SLC9A8: variants seen among roughly 807,000 people sequenced by gnomAD.
SLC9A8 encodes sodium/hydrogen exchanger 8.
In SLC9A8, 48 loss-of-function variants were observed where a neutral mutation model predicts 66.6. The ratio of observed to expected loss-of-function variants is 0.72; its 90% CI spans 0.57 to 0.92. SLC9A8 has a LOEUF of 0.92. Among genes scored for constraint, SLC9A8 ranks in the 40% least tolerant of loss-of-function variants. The probability of loss-of-function intolerance (pLI) is 0.00; values close to 1 mark genes in which losing one functional copy is unlikely to be tolerated. For missense variants in SLC9A8, 599 were observed against 747.3 expected (o/e 0.80, Z 2.31); for synonymous variants, 274 against 282.6 (o/e 0.97, Z 0.31).
chr20:49,820,063 G>C (rs1219656899), intron 2 of SLC9A8, among the ~76,000 whole-genome samples: 1 of 151,854 alleles, frequency 6.6e-6, no homozygotes, highest in Non-Finnish European at 1.5e-5. Flanking sequence ...CCTGCAAGTG[G>C]AATTGCCGAG....
chr20:49,841,438 CAA>C (rs1568825224), intron 4 of SLC9A8, among the ~76,000 whole-genome samples: 1 of 151,786 alleles, frequency 6.6e-6, no homozygotes. Flanking sequence ...GTCAGAAAAA[CAA>C]GAGGAGCTGG....
chr20:49,855,058 T>A (rs2088413864), intron 7 of SLC9A8, among the ~76,000 whole-genome samples: 1 of 152,134 alleles, frequency 6.6e-6, no homozygotes, highest in African/African-American at 2.4e-5. Flanking sequence ...TCCAAGGGGC[T>A]GGTGGCGAGG....
rs2089913487 is a variant in SLC9A8 at position 49,886,932 on chromosome 20, T to A, written c.1638+34T>A. ...CCGGCCAGGCCACACTTTCTGGGGG[T>A]CCCTTGCCTGCCTCCTTCAGGACCT... On this transcript the variant is annotated intron_variant, in intron 15 of 15. Transcript: ENST00000361573. This position sits in a 1 kb window ranked among gnomAD's most constrained non-coding sequence, Gnocchi z 4.8. 1 of 1,592,146 alleles carries A rather than the reference T, an allele frequency of 6.3e-7. No homozygotes were observed. The highest frequency in any genetic ancestry group is 1.3e-5 in the African/African-American group (1 of 74,440).
intron 10 of SLC9A8, among the ~76,000 whole-genome samples, 154 bp from the exon 11 acceptor site, chr20:49,874,551 T>A (rs2089346768): frequency 6.6e-6 from 1 of 151,814 alleles, no homozygotes; most frequent in African/African-American, 2.4e-5. Context: ...CCCATAGTAT[T>A]TTTTCTGAAG....
chr20:49,840,355 T>A (rs1346840111), intron 4 of SLC9A8, among the ~76,000 whole-genome samples: 2 of 152,174 alleles, frequency 1.3e-5, no homozygotes, highest in African/African-American at 4.8e-5. Context: ...TTAACAAGTA[T>A]GCTACAAAAT....
chr20:49,816,631 A>T lies in SLC9A8; in HGVS notation c.208+1442A>T, dbSNP rs1249236060. 2.6e-5 allele frequency among the ~76,000 whole-genome samples: 4 copies of T among 151,982 alleles called. No homozygotes were observed. In the East Asian group the frequency reaches 7.7e-4, roughly 29 times the overall value. ...TCCCAGTGTGCCTCCATCTCAAAAAACAAACAAACAAACAGACAAAAAAGA... is the reference window on the plus strand; with the variant it reads ...TCCCAGTGTGCCTCCATCTCAAAAATCAAACAAACAAACAGACAAAAAAGA... On this transcript the variant is annotated intron_variant, in intron 2 of 15. Transcript: ENST00000361573.
intron 4 of SLC9A8, among the ~76,000 whole-genome samples, chr20:49,844,142 C>T (rs2087881722): frequency 1.3e-5 from 2 of 152,156 alleles, no homozygotes; most frequent in South Asian, 4.1e-4. Flanking sequence ...TCTTTTATAG[C>T]AAGACACATG....
At position 49,866,225 on chromosome 20, in the gene SLC9A8, G is replaced by A. The variant is rs115319336; in HGVS notation, c.958+1381G>A. On this transcript the variant is annotated intron_variant, in intron 10 of 15. Transcript: ENST00000361573. ...TTTGTGTCTCCTCTCTTTCAGTTACGTTTTTGAGAGACATCCGTGTTTTTG... is the reference window on the plus strand; with the variant it reads ...TTTGTGTCTCCTCTCTTTCAGTTACATTTTTGAGAGACATCCGTGTTTTTG... Among the ~76,000 whole-genome samples, 648 of 152,226 alleles carry A rather than the reference G, an allele frequency of 4.3e-3. 3 individuals carry two copies. Among genetic ancestry groups the A allele is most frequent in the African/African-American group, 0.015 (625 of 41,510 alleles).
chr20:49,841,155 A>C (rs1343560936), intron 4 of SLC9A8, among the ~76,000 whole-genome samples: 1 of 151,906 alleles, frequency 6.6e-6, no homozygotes, highest in Non-Finnish European at 1.5e-5. Flanking sequence ...AAATACGAAA[A>C]AGTAGCTGGA....
At chr20:49,880,550 A>G (rs970355532) in intron 12 of SLC9A8, among the ~76,000 whole-genome samples, 3 of 152,152 alleles carry the variant, frequency 2.0e-5, no homozygotes, top group Non-Finnish European at 2.9e-5. Flanking sequence ...TGTCCCAAGG[A>G]GGGGCACCTT....
At chr20:49,853,150 G>C (rs2146626632) in intron 7 of SLC9A8, among the ~76,000 whole-genome samples, 1 of 152,316 alleles carries the variant, frequency 6.6e-6, no homozygotes, top group African/African-American at 2.4e-5. Context: ...CACAGGACAG[G>C]GAACTTGGGA....
At chr20:49,884,741 G>A (rs1490332726) in intron 14 of SLC9A8, among the ~76,000 whole-genome samples, 4 of 152,132 alleles carry the variant, frequency 2.6e-5, no homozygotes, top group African/African-American at 9.7e-5. Context: ...CAGCTGTAGG[G>A]AGAGCTGAGG....
chr20:49,877,719 G>A (rs573509496), intron 11 of SLC9A8, among the ~76,000 whole-genome samples: 4 of 152,172 alleles, frequency 2.6e-5, no homozygotes, highest in African/African-American at 9.7e-5. Context: ...GGGTGGGATC[G>A]TGTTTATTTG....
At chr20:49,834,185 C>CTCTATATA (rs1475975068) in intron 3 of SLC9A8, among the ~76,000 whole-genome samples, 1 of 34,532 alleles carries the variant, frequency 2.9e-5, no homozygotes, top group African/African-American at 1.1e-4. Flanking sequence ...CTCTCTCTCT[C>CTCTATATA]TATATATATA....
At chr20:49,816,744 C>A (rs1444722774) in intron 2 of SLC9A8, among the ~76,000 whole-genome samples, 1 of 150,020 alleles carries the variant, frequency 6.7e-6, no homozygotes, top group Non-Finnish European at 1.5e-5. Context: ...TTTTTTTTTT[C>A]TTGAGATGGA....
At chr20:49,862,421 C>T (rs890971760) in intron 8 of SLC9A8, among the ~76,000 whole-genome samples, 4 of 152,034 alleles carry the variant, frequency 2.6e-5, no homozygotes, top group Non-Finnish European at 4.4e-5. Context: ...ACCACCACAC[C>T]CAGATAGTTT....
At chr20:49,825,252 T>C (rs868517794) in intron 3 of SLC9A8, among the ~76,000 whole-genome samples, 1 of 152,202 alleles carries the variant, frequency 6.6e-6, no homozygotes, top group East Asian at 1.9e-4. Flanking sequence ...ATCTATTGTT[T>C]AAGCCATTTT....
rs1555848179 is a variant in SLC9A8 at position 49,884,223 on chromosome 20, C to CACACG, written c.1491+161_1491+162insGACAC. The CACACG allele has an allele frequency of 3.7e-4, 90 of 243,580 alleles. No homozygotes were observed. The African/African-American group carries it at 3.7e-3, about 10-fold the overall frequency. 15.1% of individuals were successfully genotyped at this position (243,580 alleles called of 1,614,324 possible). ...CGACACACACACACACACACACACA[C>CACACG]ACACACACACACACACACGACACAC... On this transcript the variant is annotated intron_variant, in intron 14 of 15. Coordinates refer to ENST00000361573, the MANE Select transcript of SLC9A8 (RefSeq NM_015266.3).
chr20:49,834,650 ATTAT>A (rs1288809477), intron 3 of SLC9A8, among the ~76,000 whole-genome samples: 1 of 151,754 alleles, frequency 6.6e-6, no homozygotes, highest in African/African-American at 2.4e-5. Context: ...TGCACAAAGG[ATTAT>A]TTAAGTAATA....
Sources: allele counts gnomAD v4.1 joint callset (sites outside exome capture counted in the v4.1 genomes callset), GRCh38; gene constraint gnomAD v4.1.1; non-coding constraint Gnocchi (gnomAD v3.1); transcripts MANE v1.5; gene names NCBI Gene and HGNC (gene_info 2026-07-23, HGNC 2026-07-21).